Variants in RETREG1 observed in about 807,000 individuals in gnomAD.
RETREG1 encodes family with sequence similarity 134 member B.
In RETREG1, 44 loss-of-function variants were observed where a neutral mutation model predicts 54.8. The ratio of observed to expected loss-of-function variants is 0.80; its 90% CI spans 0.63 to 1.03. RETREG1 has a LOEUF of 1.03. Ranked by LOEUF, RETREG1 falls within the 50% of genes least tolerant of loss-of-function variation. RETREG1 has a pLI of 0.00. For missense variants in RETREG1, 554 were observed against 605.1 expected, an observed-to-expected ratio of 0.92 and a Z score of 0.89; for synonymous variants, 217 against 238.5, an observed-to-expected ratio of 0.91 and a Z score of 0.83.
chr5:16,479,969 G>A (rs1738696801), intron 5 of RETREG1, among the ~76,000 whole-genome samples: 1 of 151,824 alleles, frequency 6.6e-6, no homozygotes, highest in South Asian at 2.1e-4. Flanking sequence ...AACATTTTTG[G>A]GTGGTCATTG....
intron 3 of RETREG1, among the ~76,000 whole-genome samples, chr5:16,549,615 T>C (rs1415389535): frequency 6.6e-6 from 1 of 152,214 alleles, no homozygotes; most frequent in Non-Finnish European, 1.5e-5. Context: ...CCAAGCATGA[T>C]ACATCCATTA....
At chr5:16,541,614 G>A (rs1741245502) in intron 3 of RETREG1, among the ~76,000 whole-genome samples, 1 of 152,034 alleles carries the variant, frequency 6.6e-6, no homozygotes, top group Non-Finnish European at 1.5e-5. Context: ...TTGAACCCAG[G>A]AGGCAAAGGT....
chr5:16,575,568 T>G (rs1009111999), intron 1 of RETREG1, among the ~76,000 whole-genome samples: 12 of 152,260 alleles, frequency 7.9e-5, no homozygotes, highest in African/African-American at 2.9e-4. Context: ...ATGCCAGGAC[T>G]GCAACCCACA....
intron 1 of RETREG1, among the ~76,000 whole-genome samples, chr5:16,587,444 A>G (rs941922840): frequency 3.7e-4 from 56 of 152,356 alleles, no homozygotes; most frequent in African/African-American, 1.3e-3. Flanking sequence ...CTCCATTTAA[A>G]CATCATTTGT....
chr5:16,607,282 C>T (rs1286830065), intron 1 of RETREG1, among the ~76,000 whole-genome samples: 1 of 152,000 alleles, frequency 6.6e-6, no homozygotes, highest in Admixed American at 6.6e-5. Flanking sequence ...CCTGTTTGTC[C>T]GCTGTTATAT....
chr5:16,522,606 A>G (rs772720780), intron 3 of RETREG1, among the ~76,000 whole-genome samples: 18 of 152,190 alleles, frequency 1.2e-4, no homozygotes, highest in Non-Finnish European at 2.2e-4. Context: ...GTTAATCCCC[A>G]ATCTCCTGTC....
At chr5:16,598,277 C>T (rs1426905775) in intron 1 of RETREG1, among the ~76,000 whole-genome samples, 4 of 152,194 alleles carry the variant, frequency 2.6e-5, no homozygotes, top group Admixed American at 2.0e-4. Context: ...CATGGCTGCC[C>T]TTCCTACATA....
chr5:16,486,398 A>G (rs1181992231), intron 3 of RETREG1, among the ~76,000 whole-genome samples: 2 of 152,246 alleles, frequency 1.3e-5, no homozygotes, highest in Non-Finnish European at 2.9e-5. Context: ...AATTCTGAGT[A>G]CCATAGGAAC....
At chr5:16,498,448 C>T (rs1253690089) in intron 3 of RETREG1, among the ~76,000 whole-genome samples, 1 of 152,220 alleles carries the variant, frequency 6.6e-6, no homozygotes, top group Non-Finnish European at 1.5e-5. Context: ...CACAGTAGCT[C>T]ACGCCTGTAA....
chr5:16,538,634 C>T (rs1345063491), intron 3 of RETREG1, among the ~76,000 whole-genome samples: 2 of 152,164 alleles, frequency 1.3e-5, no homozygotes, highest in Non-Finnish European at 2.9e-5. Context: ...TACCAAGACA[C>T]CATGTACCTT....
intron 1 of RETREG1, among the ~76,000 whole-genome samples, chr5:16,573,749 T>TTG (rs1712885402): frequency 2.7e-5 from 4 of 145,792 alleles, no homozygotes; most frequent in Non-Finnish European, 3.0e-5. Flanking sequence ...TTTGTTTTTT[T>TTG]TTTTTTTTTT....
intron 1 of RETREG1, among the ~76,000 whole-genome samples, chr5:16,577,496 T>C (rs767512293): frequency 6.6e-6 from 1 of 152,126 alleles, no homozygotes; most frequent in East Asian, 1.9e-4. Flanking sequence ...ATCACAGTTA[T>C]AACGAGAAAC....
At chr5:16,532,621 C>T (rs1740947044) in intron 3 of RETREG1, among the ~76,000 whole-genome samples, 1 of 152,212 alleles carries the variant, frequency 6.6e-6, no homozygotes, top group Non-Finnish European at 1.5e-5. Context: ...GAAACTTTCA[C>T]AATTTATCTG....
intron 3 of RETREG1, among the ~76,000 whole-genome samples, chr5:16,519,548 C>G (rs961221162): frequency 6.6e-6 from 1 of 152,186 alleles, no homozygotes; most frequent in Non-Finnish European, 1.5e-5. Context: ...TTTTATCTTT[C>G]TCTTTTTGAG....
chr5:16,533,251 G>T (rs935545566), intron 3 of RETREG1, among the ~76,000 whole-genome samples: 38 of 152,158 alleles, frequency 2.5e-4, no homozygotes, highest in African/African-American at 8.2e-4. Context: ...CACTGTGTTA[G>T]CCAGGATGGT....
chr5:16,519,794 G>A (rs1740473153), intron 3 of RETREG1, among the ~76,000 whole-genome samples: 3 of 152,282 alleles, frequency 2.0e-5, no homozygotes, highest in South Asian at 4.1e-4. Flanking sequence ...TCCGTGCCTG[G>A]ATAGGCCACA....
In RETREG1 at chr5:16,573,726, GGTTT is replaced by G. The variant is rs1561125638; in HGVS notation, c.321-1628_321-1625del. On this transcript the variant is annotated intron_variant, in intron 1 of 8. Coordinates refer to ENST00000306320, the MANE Select transcript of RETREG1 (RefSeq NM_001034850.3). ...TTTTTTTTTTTTAATTGGTTTTTTG[GGTTT>G]GTTTGTTTTTTGTTTTTTTTTTTTT... 4.4e-4 allele frequency among the ~76,000 whole-genome samples: 63 copies of G among 144,732 alleles called. 1 individual carries two copies. The South Asian group carries it at 0.012, about 28-fold the overall frequency. The allele number at this position is 144,732 out of a possible 152,430, so 94.9% of individuals were successfully genotyped here.
chr5:16,507,051 G>GA (rs1739988369), intron 3 of RETREG1, among the ~76,000 whole-genome samples: 1 of 152,014 alleles, frequency 6.6e-6, no homozygotes, highest in Non-Finnish European at 1.5e-5. Flanking sequence ...AGCATTCTTA[G>GA]AAAAAAATTC....
At chr5:16,572,959 C>T (rs1259366338) in intron 1 of RETREG1, among the ~76,000 whole-genome samples, 4 of 151,820 alleles carry the variant, frequency 2.6e-5, no homozygotes, top group African/African-American at 7.3e-5. Context: ...CCGAGGCAGG[C>T]GGATCACAAG....
Sources: gnomAD v4.1 joint callset for allele counts (sites outside exome capture counted in the v4.1 genomes callset) on GRCh38, gnomAD v4.1.1 for gene constraint, MANE v1.5 for transcripts, NCBI Gene and HGNC (gene_info 2026-07-23, HGNC 2026-07-21) for gene names.